Variants in STAT1 observed in about 807,000 individuals in gnomAD.
STAT1 encodes the protein signal transducer and activator of transcription 1.
In STAT1, 24 loss-of-function variants were observed where a neutral mutation model predicts 111.7. The ratio of observed to expected loss-of-function variants is 0.21; its 90% CI spans 0.16 to 0.30. The LOEUF is 0.30. Ranked by LOEUF, STAT1 falls within the 10% of genes least tolerant of loss-of-function variation. The pLI is 1.00. For missense variants in STAT1, 351 were observed against 911.9 expected, an observed-to-expected ratio of 0.38 and a Z score of 7.92; for synonymous variants, 332 against 326.5, an observed-to-expected ratio of 1.02 and a Z score of -0.18.
chr2:190,984,295 C>T lies in STAT1; in HGVS notation c.1347+15G>A, dbSNP rs1424504598. On this transcript the variant is annotated intron_variant, in intron 16 of 24. Coordinates refer to ENST00000361099, the MANE Select transcript of STAT1 (RefSeq NM_007315.4). The surrounding 1 kb of genome is among the most constrained non-coding windows in gnomAD (Gnocchi z 5.2). ...AATAATGAAGTTTTCCAACTCGGGA[C>T]CATAAAAGTCTTACCTCGAGGTCAA... 6.2e-7 allele frequency: 1 copy of T among 1,602,676 alleles called. No homozygotes were observed. The highest frequency in any genetic ancestry group is 8.5e-7 in the Non-Finnish European group (1 of 1,169,708).
rs1408114058 is a variant in STAT1 at position 190,986,488 on chromosome 2, G to T, written c.1221+366C>A. Among the ~76,000 whole-genome samples the T allele has an allele frequency of 6.6e-6, 1 of 152,172 alleles. No individual in the cohort carries two copies. Among genetic ancestry groups the T allele is most frequent in the Non-Finnish European group, 1.5e-5 (1 of 68,024 alleles). On this transcript the variant is annotated intron_variant, in intron 14 of 24. Coordinates refer to ENST00000361099, the MANE Select transcript of STAT1 (RefSeq NM_007315.4). The surrounding 1 kb of genome is among the most constrained non-coding windows in gnomAD (Gnocchi z 5.0). ...CACGGGGGCTGAGGAGTGAACCCTG[G>T]TGTACAGGACCACACTTGGATCACA...
Position 190,976,738 on chromosome 2 carries a change from C to G in STAT1, c.2059+102G>C. The G allele has an allele frequency of 9.7e-7, 1 of 1,030,640 alleles. No individual in the cohort carries two copies. The highest frequency in any genetic ancestry group is 1.3e-5 in the South Asian group (1 of 75,978). The allele number at this position is 1,030,640 out of a possible 1,614,324, so 63.8% of individuals were successfully genotyped here. A position where few individuals can be genotyped will look rare whatever the true frequency, so the allele number is the denominator to read the frequency against. On this transcript the variant is annotated intron_variant, in intron 22 of 24. Transcript: ENST00000361099. This position sits in a 1 kb window ranked among gnomAD's most constrained non-coding sequence, Gnocchi z 6.0. Reference sequence around the variant, plus strand: ...GCCATCTTTTGAAAGCCTACTCTTACCAATTCGAAAGCAAAACACTGCATG... The same window carrying G: ...GCCATCTTTTGAAAGCCTACTCTTAGCAATTCGAAAGCAAAACACTGCATG...
Position 190,996,719 on chromosome 2 carries a change from A to AT in STAT1, c.785+1136dup, listed in dbSNP as rs1693885327. On this transcript the variant is annotated intron_variant, in intron 9 of 24. Transcript: ENST00000361099. The surrounding 1 kb of genome is among the most constrained non-coding windows in gnomAD (Gnocchi z 4.5). ...AATAAATGGCTGAATATTAATTGTGATTTTTTTAAAAACTGGCAATATAGA... is the reference window on the plus strand; with the variant it reads ...AATAAATGGCTGAATATTAATTGTGATTTTTTTTAAAAACTGGCAATATAGA... Among the ~76,000 whole-genome samples the AT allele has an allele frequency of 6.6e-6, 1 of 152,190 alleles. No homozygotes were observed. The highest frequency in any genetic ancestry group is 1.5e-5 in the Non-Finnish European group (1 of 68,026).
rs939108298 is a variant in STAT1, at chr2:190,995,833, G to A, written c.786-614C>T. ...ATCAAAAACTTCTACACACCACTGA[G>A]GCCTATGTGAGGAGAGATGGGTGGA... is the stretch of plus-strand genomic sequence containing the variant. On this transcript the variant is annotated intron_variant, in intron 9 of 24. Coordinates refer to ENST00000361099, the MANE Select transcript of STAT1 (RefSeq NM_007315.4). This position sits in a 1 kb window ranked among gnomAD's most constrained non-coding sequence, Gnocchi z 4.2. 6.6e-6 allele frequency among the ~76,000 whole-genome samples: 1 copy of A among 152,188 alleles called. No individual in the cohort carries two copies. The highest frequency in any genetic ancestry group is 1.5e-5 in the Non-Finnish European group (1 of 68,028).
Position 190,976,952 on chromosome 2 carries a change from G to A in STAT1, c.1947C>T (p.Arg649=). The change falls in exon 22 of 25, where the codon CGC becomes CGT. Residue 649 remains arginine (R), a synonymous_variant. Transcript: ENST00000361099. This position sits in a 1 kb window ranked among gnomAD's most constrained non-coding sequence, Gnocchi z 6.0. ...LSAVTFPDII[R]NYKVMAAENI... ...TCTCAGCAGCCATGACTTTGTAATT[G>A]CGAATGATGTCAGGGAAAGTAACAG... 6.2e-7 allele frequency: 1 copy of A among 1,614,178 alleles called. No homozygotes were observed. The highest frequency in any genetic ancestry group is 1.6e-4 in the Middle Eastern group (1 of 6,062).
Position 191,006,388 on chromosome 2 carries a change from T to C in STAT1, c.372+1175A>G, listed in dbSNP as rs1694700567. 6.6e-6 allele frequency among the ~76,000 whole-genome samples: 1 copy of C among 152,208 alleles called. No individual in the cohort carries two copies. Among genetic ancestry groups the C allele is most frequent in the Admixed American group, 6.5e-5 (1 of 15,282 alleles). On this transcript the variant is annotated intron_variant, in intron 5 of 24. Coordinates refer to ENST00000361099, the MANE Select transcript of STAT1 (RefSeq NM_007315.4). The surrounding 1 kb of genome is among the most constrained non-coding windows in gnomAD (Gnocchi z 4.6). ...GAGTTTAGAATAAGCAATATGTATC[T>C]TTACATGCTCAGTTCAGCAAGATGC...
chr2:190,987,041 T>C lies in STAT1; in HGVS notation c.1125A>G (p.Lys375=). 1 of 1,608,440 alleles carries C rather than the reference T, an allele frequency of 6.2e-7. No homozygotes were observed. The highest frequency in any genetic ancestry group is 8.5e-7 in the Non-Finnish European group (1 of 1,175,380). ...ATAGCGTAAAGTACGTCACGTACCC[T>C]TTTACTGTATTTCTCTCATTCACAT... The part of the protein sequence containing the change: ...DKDVNERNTV[K]GFRKFNILGT... The change falls in exon 13 of 25, where the codon AAA becomes AAG. Residue 375 remains lysine, a splice_region_variant and synonymous_variant. Transcript: ENST00000361099. The surrounding 1 kb of genome is among the most constrained non-coding windows in gnomAD (Gnocchi z 4.0).
chr2:190,998,156 G>T lies in STAT1; in HGVS notation c.633+61C>A. On this transcript the variant is annotated intron_variant, in intron 8 of 24. Coordinates refer to ENST00000361099, the MANE Select transcript of STAT1 (RefSeq NM_007315.4). This position sits in a 1 kb window ranked among gnomAD's most constrained non-coding sequence, Gnocchi z 4.1. Reference sequence around the variant, plus strand: ...TAATTTTTCCTCTCTTCTAAACTTTGAGTCCATTATTTACAGTGTATAACA... The same window carrying T: ...TAATTTTTCCTCTCTTCTAAACTTTTAGTCCATTATTTACAGTGTATAACA... 6.4e-7 allele frequency: 1 copy of T among 1,569,584 alleles called. No homozygotes were observed. Among genetic ancestry groups the T allele is most frequent in the South Asian group, 1.1e-5 (1 of 89,942 alleles).
rs1263486645 is a variant in STAT1, at chr2:190,976,742, T to C, written c.2059+98A>G. 9.2e-7 allele frequency: 1 copy of C among 1,092,404 alleles called. No homozygotes were observed. Among genetic ancestry groups the C allele is most frequent in the African/African-American group, 1.5e-5 (1 of 64,740 alleles). The allele number at this position is 1,092,404 out of a possible 1,614,324, so 67.7% of individuals were successfully genotyped here. Reference sequence around the variant, plus strand: ...TCTTTTGAAAGCCTACTCTTACCAATTCGAAAGCAAAACACTGCATGGGTG... The same window carrying C: ...TCTTTTGAAAGCCTACTCTTACCAACTCGAAAGCAAAACACTGCATGGGTG... On this transcript the variant is annotated intron_variant, in intron 22 of 24. Transcript: ENST00000361099. This position sits in a 1 kb window ranked among gnomAD's most constrained non-coding sequence, Gnocchi z 6.0.
rs920117624 is a variant in STAT1, at chr2:191,013,466, C to T, written c.-2+59G>A. On this transcript the variant is annotated intron_variant, in intron 2 of 24. Transcript: ENST00000361099. ...GCCCTTCCATCTTTGAACATAGAAA[C>T]ATAATTAAGATTCCGAAGTCATGTA... The T allele has an allele frequency of 1.8e-5, 7 of 395,334 alleles. No individual in the cohort carries two copies. In the Admixed American group the frequency reaches 2.7e-4, roughly 15 times the overall value. 24.5% of individuals were successfully genotyped at this position (395,334 alleles called of 1,614,324 possible). A position where few individuals can be genotyped will look rare whatever the true frequency, so the allele number is the denominator to read the frequency against.
rs903483859 is a variant in STAT1 at position 190,990,492 on chromosome 2, C to T, written c.1037+736G>A. Among the ~76,000 whole-genome samples the T allele has an allele frequency of 3.1e-4, 47 of 152,154 alleles. No individual in the cohort carries two copies. The highest frequency in any genetic ancestry group is 8.2e-4 in the African/African-American group (34 of 41,426). ...GCCATTCAATGGAAGAAAGTAAAGC[C>T]ACATATTCCTGGAAACACTTCTACA... is the stretch of plus-strand genomic sequence containing the variant. On this transcript the variant is annotated intron_variant, in intron 11 of 24. Transcript: ENST00000361099. This position sits in a 1 kb window ranked among gnomAD's most constrained non-coding sequence, Gnocchi z 5.1.
chr2:190,978,598 A>G lies in STAT1; in HGVS notation c.1873+258T>C. On this transcript the variant is annotated intron_variant, in intron 21 of 24. Transcript: ENST00000361099. The surrounding 1 kb of genome is among the most constrained non-coding windows in gnomAD (Gnocchi z 6.1). ...ATTGACTCACATCCTTGATCTGCAG[A>G]TAACAAACCTGATGCAAAGGAAAGA... 9.4e-6 allele frequency: 5 copies of G among 533,640 alleles called. No individual in the cohort carries two copies. The highest frequency in any genetic ancestry group is 5.9e-5 in the Admixed American group (2 of 33,912). The allele number at this position is 533,640 out of a possible 1,614,324, so 33.1% of individuals were successfully genotyped here. A position where few individuals can be genotyped will look rare whatever the true frequency, so the allele number is the denominator to read the frequency against.
chr2:190,992,051 C>T (rs1044410955), intron 10 of STAT1, among the ~76,000 whole-genome samples: 3 of 152,050 alleles, frequency 2.0e-5, no homozygotes, highest in East Asian at 1.9e-4. Flanking sequence ...CCAATAAGTA[C>T]GATATTTATT....
Position 190,999,849 on chromosome 2 carries a change from A to G in STAT1, c.463-145T>C. 1.5e-6 allele frequency: 1 copy of G among 646,778 alleles called. No individual in the cohort carries two copies. The highest frequency in any genetic ancestry group is 2.8e-6 in the Non-Finnish European group (1 of 363,172). 40.1% of individuals were successfully genotyped at this position (646,778 alleles called of 1,614,324 possible). A position where few individuals can be genotyped will look rare whatever the true frequency, so the allele number is the denominator to read the frequency against. ...AAGAGATCTGACTTGGACAGTTCTA[A>G]TCATATACATGAAATAATTTCGGTT... On this transcript the variant is annotated intron_variant, in intron 6 of 24. Transcript: ENST00000361099. The surrounding 1 kb of genome is among the most constrained non-coding windows in gnomAD (Gnocchi z 4.1).
Position 190,998,149 on chromosome 2 carries a change from A to G in STAT1, c.633+68T>C. On this transcript the variant is annotated intron_variant, in intron 8 of 24. Transcript: ENST00000361099. This position sits in a 1 kb window ranked among gnomAD's most constrained non-coding sequence, Gnocchi z 4.1. ...GTGGCTATAATTTTTCCTCTCTTCT[A>G]AACTTTGAGTCCATTATTTACAGTG... 1 of 1,569,448 alleles carries G rather than the reference A, an allele frequency of 6.4e-7. No individual in the cohort carries two copies. The highest frequency in any genetic ancestry group is 1.1e-5 in the South Asian group (1 of 89,948).
chr2:190,998,677 A>C lies in STAT1; in HGVS notation c.542-369T>G, dbSNP rs1014537073. On this transcript the variant is annotated intron_variant, in intron 7 of 24. Transcript: ENST00000361099. This position sits in a 1 kb window ranked among gnomAD's most constrained non-coding sequence, Gnocchi z 4.1. ...ACTCCGTCTCCAAAAAAAAACAAAA[A>C]AAACAAAAAAAAAACAAAAAAAACT... Among the ~76,000 whole-genome samples, 2 of 148,532 alleles carry C rather than the reference A, an allele frequency of 1.3e-5. No individual in the cohort carries two copies. The highest frequency in any genetic ancestry group is 3.0e-5 in the Non-Finnish European group (2 of 65,712).
At chr2:191,011,053 T>A (rs1379103304) in intron 2 of STAT1, among the ~76,000 whole-genome samples, 2 of 152,230 alleles carry the variant, frequency 1.3e-5, no homozygotes, top group Non-Finnish European at 2.9e-5. Flanking sequence ...AAGTAGGGCA[T>A]GGAAGAGTGT....
rs372304509 is a variant in STAT1 at position 190,989,662 on chromosome 2, T to C, written c.1050A>G (p.Lys350=). ...TCAAATTATAATTCAGCTCTTGCAA[T>C]TTCACCAACAGTCTGGAAAGAAAAA... ...QFTVKLRLLV[K]LQELNYNLKV... is the part of the protein sequence containing the mutation. The change falls in exon 12 of 25, where the codon AAA becomes AAG. Residue 350 remains lysine (K), a synonymous_variant. Coordinates refer to ENST00000361099, the MANE Select transcript of STAT1 (RefSeq NM_007315.4). This position sits in a 1 kb window ranked among gnomAD's most constrained non-coding sequence, Gnocchi z 5.0. The C allele has an allele frequency of 1.9e-6, 3 of 1,598,354 alleles. No individual in the cohort carries two copies. Among genetic ancestry groups the C allele is most frequent in the East Asian group, 4.5e-5 (2 of 44,668 alleles).
Position 190,969,916 on chromosome 2 carries a change from G to C in STAT1, c.*787C>G, listed in dbSNP as rs1003564535. 3 of 152,298 alleles carry C rather than the reference G, an allele frequency of 2.0e-5. No homozygotes were observed. Among genetic ancestry groups the C allele is most frequent in the African/African-American group, 4.8e-5 (2 of 41,464 alleles). 9.4% of individuals were successfully genotyped at this position (152,298 alleles called of 1,614,324 possible). The stretch of plus-strand genomic sequence containing the variant: ...ATAGCCTAACTCCCTTGGGAGAACT[G>C]TAAAAATAATTGTATGTGACCAAGA... On this transcript the variant is annotated 3_prime_UTR_variant, in exon 25 of 25. Transcript: ENST00000361099.
Sources: allele counts gnomAD v4.1 joint callset (sites outside exome capture counted in the v4.1 genomes callset), GRCh38; gene constraint gnomAD v4.1.1; non-coding constraint Gnocchi (gnomAD v3.1); transcripts MANE v1.5; gene names NCBI Gene and HGNC (gene_info 2026-07-23, HGNC 2026-07-21).